WWOX: variants seen among roughly 807,000 people sequenced by gnomAD.
The protein encoded by WWOX is WW domain-containing oxidoreductase.
A neutral mutation model predicts 46.2 loss-of-function variants in WWOX; 69 were observed. The observed-to-expected ratio is 1.49, with a 90% CI of 1.23 to 1.82. WWOX has a LOEUF of 1.82. Among genes scored for constraint, WWOX ranks in the 40% most tolerant of loss-of-function variants. The pLI, the probability that WWOX is intolerant of heterozygous loss-of-function variation, is 0.00. For missense variants in WWOX, 919 were observed against 542.6 expected (o/e 1.69, Z -6.89); for synonymous variants, 359 against 202.6 (o/e 1.77, Z -6.56).
chr16:78,788,988 G>T (rs1418456332), intron 8 of WWOX, among the ~76,000 whole-genome samples: 4 of 152,166 alleles, frequency 2.6e-5, no homozygotes, highest in Non-Finnish European at 5.9e-5. Flanking sequence ...TAAATGATTT[G>T]CAAACATTTT....
chr16:78,980,677 A>C (rs2046662778), intron 8 of WWOX, among the ~76,000 whole-genome samples: 1 of 152,228 alleles, frequency 6.6e-6, no homozygotes, highest in East Asian at 1.9e-4. Flanking sequence ...ATTTCAAATC[A>C]CAATCAGAAC....
intron 8 of WWOX, among the ~76,000 whole-genome samples, chr16:78,843,014 G>T (rs2052202132): frequency 6.7e-6 from 1 of 150,074 alleles, no homozygotes; most frequent in Non-Finnish European, 1.5e-5. Flanking sequence ...TTTGTTAACA[G>T]GGCTGGCTAT....
intron 5 of WWOX, among the ~76,000 whole-genome samples, chr16:78,302,962 A>T (rs192075539): frequency 6.6e-6 from 1 of 152,186 alleles, no homozygotes; most frequent in South Asian, 2.1e-4. Context: ...GGCTTAGAAC[A>T]TCATCAGACC....
intron 8 of WWOX, among the ~76,000 whole-genome samples, chr16:78,670,168 CT>C (rs1338629897): frequency 6.6e-6 from 1 of 152,166 alleles, no homozygotes; most frequent in East Asian, 1.9e-4. Context: ...CCCTTATTCT[CT>C]GGTTCCCTTT....
chr16:78,696,620 G>A (rs1297806035), intron 8 of WWOX, among the ~76,000 whole-genome samples: 1 of 138,852 alleles, frequency 7.2e-6, no homozygotes, highest in Non-Finnish European at 1.6e-5. Flanking sequence ...ACCTTGCCCA[G>A]CTGTAGGCTA....
At chr16:79,117,582 C>G (rs1481642954) in intron 8 of WWOX, among the ~76,000 whole-genome samples, 3 of 152,242 alleles carry the variant, frequency 2.0e-5, no homozygotes, top group Non-Finnish European at 4.4e-5. Flanking sequence ...ATTGCCTTCT[C>G]CTCCCTAGCT....
chr16:79,087,520 A>G (rs2048875601), intron 8 of WWOX, among the ~76,000 whole-genome samples: 1 of 152,216 alleles, frequency 6.6e-6, no homozygotes, highest in East Asian at 1.9e-4. Flanking sequence ...TGCTAGAACA[A>G]CAAGCTTGGA....
chr16:78,605,037 C>A (rs1266928529), intron 8 of WWOX, among the ~76,000 whole-genome samples: 1 of 133,538 alleles, frequency 7.5e-6, no homozygotes, highest in Non-Finnish European at 1.6e-5. Flanking sequence ...TTCCTCCCTT[C>A]TTTTCTTTCC....
intron 8 of WWOX, among the ~76,000 whole-genome samples, chr16:78,581,742 C>T (rs1052712407): frequency 6.6e-6 from 1 of 152,160 alleles, no homozygotes; most frequent in South Asian, 2.1e-4. Context: ...GGAAAATTAT[C>T]TCTTGTAACA....
chr16:79,064,924 G>A (rs2048415447), intron 8 of WWOX, among the ~76,000 whole-genome samples: 1 of 152,208 alleles, frequency 6.6e-6, no homozygotes, highest in African/African-American at 2.4e-5. Context: ...GATGGCCAGT[G>A]CAAATGGCGC....
intron 5 of WWOX, among the ~76,000 whole-genome samples, chr16:78,281,239 G>A (rs1460906632): frequency 6.6e-6 from 1 of 152,222 alleles, no homozygotes; most frequent in African/African-American, 2.4e-5. Flanking sequence ...GGTGAAGACA[G>A]CGCCAAGCCA....
chr16:78,350,938 C>G (rs2081172323), intron 5 of WWOX, among the ~76,000 whole-genome samples: 1 of 57,110 alleles, frequency 1.8e-5, no homozygotes, highest in African/African-American at 5.1e-5. Flanking sequence ...GTTCCGATTT[C>G]TCCATATCTT....
intron 8 of WWOX, among the ~76,000 whole-genome samples, chr16:79,172,161 C>A (rs1286419591): frequency 2.0e-5 from 3 of 152,118 alleles, no homozygotes; most frequent in African/African-American, 7.2e-5. Context: ...GTTGTACGCC[C>A]CATGAACTTC....
chr16:78,580,561 A>G (rs1252173909), intron 8 of WWOX, among the ~76,000 whole-genome samples: 1 of 152,246 alleles, frequency 6.6e-6, no homozygotes, highest in Admixed American at 6.5e-5. Context: ...TGAACAAAAG[A>G]CACAGAAAGG....
At chr16:78,475,757 GC>G (rs2084335642) in intron 8 of WWOX, among the ~76,000 whole-genome samples, 2 of 152,064 alleles carry the variant, frequency 1.3e-5, no homozygotes, top group Admixed American at 1.3e-4. Flanking sequence ...CACCACACCG[GC>G]TAATTTTATG....
intron 8 of WWOX, among the ~76,000 whole-genome samples, chr16:78,994,969 C>CTTTTTTTTTTTTTT (rs869088414): frequency 9.6e-4 from 110 of 114,618 alleles, no homozygotes; most frequent in Non-Finnish European, 1.3e-3. Context: ...TCTTCTTCTT[C>CTTTTTTTTTTTTTT]TTTTTTTTTT....
intron 8 of WWOX, among the ~76,000 whole-genome samples, chr16:78,632,666 C>T (rs931897848): frequency 1.4e-5 from 2 of 144,962 alleles, no homozygotes; most frequent in Admixed American, 7.3e-5. Context: ...TCAAGGGATT[C>T]TCCTGCCTCA....
chr16:78,188,962 G>A (rs1302362357), intron 5 of WWOX, among the ~76,000 whole-genome samples: 1 of 152,172 alleles, frequency 6.6e-6, no homozygotes, highest in Admixed American at 6.5e-5. Context: ...GAAGGGAATA[G>A]AGGCTGCAGA....
intron 8 of WWOX, among the ~76,000 whole-genome samples, chr16:78,543,668 G>T (rs988309661): frequency 2.0e-5 from 3 of 152,150 alleles, no homozygotes; most frequent in African/African-American, 7.2e-5. Flanking sequence ...TGTAATGGAG[G>T]CATCAAGACT....
Sources: gnomAD v4.1 joint callset for allele counts (sites outside exome capture counted in the v4.1 genomes callset) on GRCh38, gnomAD v4.1.1 for gene constraint, MANE v1.5 for transcripts, NCBI Gene and HGNC (gene_info 2026-07-23, HGNC 2026-07-21) for gene names.